The following SEMA3E variants were observed in gnomAD, a reference collection of about 807,000 sequenced individuals.
SEMA3E encodes the protein semaphorin 3E, also known as semaphorin-3E.
SEMA3E carries 49 observed loss-of-function variants against 93.6 expected under a neutral mutation model. The ratio of observed to expected loss-of-function variants is 0.52; its 90% confidence interval spans 0.42 to 0.66. The LOEUF is 0.66. SEMA3E is among the 30% of genes least tolerant of loss of function. The pLI is 0.00. For synonymous variants in SEMA3E, 363 were observed against 330.7 expected (o/e 1.10, Z -1.06); for missense variants, 906 against 964.8 (o/e 0.94, Z 0.81).
At chr7:83,533,868 C>T (rs1412164249) in intron 1 of SEMA3E, among the ~76,000 whole-genome samples, 2 of 152,108 alleles carry the variant, frequency 1.3e-5, no homozygotes, top group Non-Finnish European at 2.9e-5. Flanking sequence ...TCCCTGCCTG[C>T]CTTCCCAGCT....
At chr7:83,607,506 G>A (rs1421383410) in intron 1 of SEMA3E, among the ~76,000 whole-genome samples, 1 of 152,128 alleles carries the variant, frequency 6.6e-6, no homozygotes, top group Non-Finnish European at 1.5e-5. Flanking sequence ...TTTTACCTAT[G>A]TAGAGAAAAC....
At chr7:83,543,089 T>G (rs149921933) in intron 1 of SEMA3E, among the ~76,000 whole-genome samples, 5 of 152,080 alleles carry the variant, frequency 3.3e-5, no homozygotes, top group Non-Finnish European at 7.4e-5. Flanking sequence ...CCTGTAGGAC[T>G]GGTATAGTGT....
At chr7:83,389,738 TAC>T (rs1012591140) in intron 14 of SEMA3E, among the ~76,000 whole-genome samples, 8 of 135,974 alleles carry the variant, frequency 5.9e-5, no homozygotes, top group Admixed American at 4.6e-4. Flanking sequence ...TATACATATA[TAC>T]ACGTATATAT....
intron 1 of SEMA3E, among the ~76,000 whole-genome samples, chr7:83,560,546 T>A (rs951004907): frequency 6.6e-6 from 1 of 152,098 alleles, no homozygotes; most frequent in Non-Finnish European, 1.5e-5. Context: ...GATAGATATG[T>A]TTTGCATCTA....
chr7:83,608,327 C>T (rs1793170721), intron 1 of SEMA3E, among the ~76,000 whole-genome samples: 1 of 152,066 alleles, frequency 6.6e-6, no homozygotes, highest in South Asian at 2.1e-4. Flanking sequence ...CCAGTTGTCT[C>T]TTTTGTAGGT....
chr7:83,390,008 T>G (rs1180684161), intron 14 of SEMA3E, among the ~76,000 whole-genome samples: 11 of 122,378 alleles, frequency 9.0e-5, no homozygotes, highest in Admixed American at 1.6e-4. Flanking sequence ...CGTATACACA[T>G]ATATACGCGT....
Position 83,385,430 on chromosome 7 carries a change from T to G in SEMA3E, c.1739A>C (p.Asp580Ala). Residue 580 changes from aspartate to alanine, a missense_variant, in exon 16 of 17, where the codon GAT becomes GCT. Asp to Ala is a moderately radical substitution (Grantham distance 126). Transcript: ENST00000643230. ...QQCFGQQFVG[D>A]ALDKTEEHLA... ...ATGTTCTTCAGTCTTATCCAAAGCATCCCCTACAACAGGAACATTAATGCC... is the reference window on the plus strand; with the variant it reads ...ATGTTCTTCAGTCTTATCCAAAGCAGCCCCTACAACAGGAACATTAATGCC... 1 of 1,613,262 alleles carries G rather than the reference T, an allele frequency of 6.2e-7. No individual in the cohort carries two copies. The highest frequency in any genetic ancestry group is 8.5e-7 in the Non-Finnish European group (1 of 1,179,464).
At chr7:83,412,751 T>TA (rs1323073400) in intron 5 of SEMA3E, among the ~76,000 whole-genome samples, 2 of 21,310 alleles carry the variant, frequency 9.4e-5, no homozygotes, top group African/African-American at 2.5e-4. Flanking sequence ...AGACCCTGCC[T>TA]AAAAAAAGAT....
intron 4 of SEMA3E, among the ~76,000 whole-genome samples, chr7:83,464,317 A>G (rs1442717790): frequency 6.6e-6 from 1 of 151,594 alleles, no homozygotes; most frequent in African/African-American, 2.4e-5. Context: ...TCCTGTATAG[A>G]CGCTCCTTTT....
chr7:83,539,451 G>A lies in SEMA3E; in HGVS notation c.116-49177C>T, dbSNP rs1389610970. Among the ~76,000 whole-genome samples, 3 of 152,108 alleles carry A rather than the reference G, an allele frequency of 2.0e-5. No individual in the cohort carries two copies. In the East Asian group the frequency reaches 5.8e-4, roughly 29 times the overall value. On this transcript the variant is annotated intron_variant, in intron 1 of 16. Transcript: ENST00000643230. ...CTTTCAGCAAATCTTCCTATGTAGAGCGCCAATTTGTCCCAATTTTTGATA... is the reference window on the plus strand; with the variant it reads ...CTTTCAGCAAATCTTCCTATGTAGAACGCCAATTTGTCCCAATTTTTGATA...
chr7:83,394,362 T>TA (rs1788078673), intron 12 of SEMA3E, 24 bp from the exon 13 acceptor site: 1 of 1,594,600 alleles, frequency 6.3e-7, no homozygotes, highest in East Asian at 2.2e-5. Flanking sequence ...AAAGTTTTCA[T>TA]TTTTAAGAAA....
chr7:83,507,220 T>C (rs1790720805), intron 1 of SEMA3E, among the ~76,000 whole-genome samples: 1 of 152,118 alleles, frequency 6.6e-6, no homozygotes, highest in Non-Finnish European at 1.5e-5. Context: ...TACCCCTATC[T>C]GGAAGGAAAA....
intron 1 of SEMA3E, among the ~76,000 whole-genome samples, chr7:83,494,033 C>T (rs1013089621): frequency 2.0e-5 from 3 of 151,754 alleles, no homozygotes; most frequent in African/African-American, 7.3e-5. Context: ...TCAATATTAA[C>T]TCAATTTTTC....
At position 83,605,763 on chromosome 7, in the gene SEMA3E, A is replaced by G. The variant is rs183318809; in HGVS notation, c.115+42665T>C. ...GTCTTCTTTTGAGAAGTGTCTGTTC[A>G]TATTCTTTGCCCACCTTTTGATAGG... is the stretch of plus-strand genomic sequence containing the variant. On this transcript the variant is annotated intron_variant, in intron 1 of 16. Transcript: ENST00000643230. Among the ~76,000 whole-genome samples the G allele has an allele frequency of 6.5e-4, 99 of 152,120 alleles. 2 individuals carry two copies. In the East Asian group the frequency reaches 7.8e-3, roughly 12 times the overall value.
chr7:83,528,071 T>A lies in SEMA3E; in HGVS notation c.116-37797A>T, dbSNP rs367952504. On this transcript the variant is annotated intron_variant, in intron 1 of 16. Coordinates refer to ENST00000643230, the MANE Select transcript of SEMA3E (RefSeq NM_012431.3). Reference sequence around the variant, plus strand: ...AACCTATAAAATATATTCTTACATATAATTTTTGTCAGAATTCTTACTATA... The same window carrying A: ...AACCTATAAAATATATTCTTACATAAAATTTTTGTCAGAATTCTTACTATA... 8.5e-5 allele frequency among the ~76,000 whole-genome samples: 13 copies of A among 152,216 alleles called. 1 individual carries two copies. In the East Asian group the frequency reaches 9.7e-4, roughly 11 times the overall value.
chr7:83,387,639 T>C (rs2709954), intron 14 of SEMA3E, among the ~76,000 whole-genome samples: 147,361 of 151,460 alleles, frequency 0.97, 71,824 homozygotes, highest in East Asian at 1. Flanking sequence ...ATAGTGTGTT[T>C]TTCATGTTTA....
chr7:83,457,968 T>C lies in SEMA3E; in HGVS notation c.456+8514A>G, dbSNP rs181133957. On this transcript the variant is annotated intron_variant, in intron 4 of 16. Coordinates refer to ENST00000643230, the MANE Select transcript of SEMA3E (RefSeq NM_012431.3). Reference sequence around the variant, plus strand: ...CCCTCATGTAAAATTGCATCAAGCCTTTAAATGGTGTTTTGGGGATAAATC... The same window carrying C: ...CCCTCATGTAAAATTGCATCAAGCCCTTAAATGGTGTTTTGGGGATAAATC... Among the ~76,000 whole-genome samples the C allele has an allele frequency of 7.2e-5, 11 of 152,238 alleles. No individual in the cohort carries two copies. In the East Asian group the frequency reaches 2.1e-3, roughly 29 times the overall value.
intron 4 of SEMA3E, among the ~76,000 whole-genome samples, chr7:83,419,673 G>C (rs1215677140): frequency 1.3e-5 from 2 of 152,212 alleles, no homozygotes; most frequent in Non-Finnish European, 2.9e-5. Flanking sequence ...TCATTTCTAT[G>C]ATGATTAGTG....
intron 2 of SEMA3E, among the ~76,000 whole-genome samples, chr7:83,478,409 G>GA (rs1401643040): frequency 6.6e-6 from 1 of 151,500 alleles, no homozygotes; most frequent in Non-Finnish European, 1.5e-5. Flanking sequence ...TTCATGAAAT[G>GA]AAAAAAAGAA....
Sources: allele counts gnomAD v4.1 joint callset (sites outside exome capture counted in the v4.1 genomes callset), GRCh38; gene constraint gnomAD v4.1.1; transcripts MANE v1.5; gene names NCBI Gene and HGNC (gene_info 2026-07-23, HGNC 2026-07-21).